BACE2: variants seen among roughly 807,000 people sequenced by gnomAD.
BACE2 encodes 56 kDa aspartic-like protease.
BACE2 carries 17 observed loss-of-function variants against 46.2 expected under a neutral mutation model. The ratio of observed to expected loss-of-function variants is 0.37; its 90% CI spans 0.25 to 0.55. The LOEUF (loss-of-function observed/expected upper bound fraction) is 0.55, where lower values mean the gene tolerates loss of function less well. Ranked by LOEUF, BACE2 falls within the 20% of genes least tolerant of loss-of-function variation. The pLI, the probability that BACE2 is intolerant of heterozygous loss-of-function variation, is 0.82. For missense variants in BACE2, 595 were observed against 698.1 expected (o/e 0.85, Z 1.66); for synonymous variants, 277 against 295.9 (o/e 0.94, Z 0.66).
In BACE2 at chr21:41,276,634, T is replaced by C. The variant is rs2088492755; in HGVS notation, c.*1010T>C. 6.6e-6 allele frequency: 1 copy of C among 152,258 alleles called. No individual in the cohort carries two copies. The allele number at this position is 152,258 out of a possible 1,614,324, so 9.4% of individuals were successfully genotyped here. ...TAGTTGTCTCTTTTTCCAAATCTTC[T>C]CTGGAAGTAGGTTGGCTATTACCCT... On this transcript the variant is annotated 3_prime_UTR_variant, in exon 9 of 9. Coordinates refer to ENST00000330333, the MANE Select transcript of BACE2 (RefSeq NM_012105.5).
In BACE2 at chr21:41,268,624, A is replaced by G. The variant is rs183194805; in HGVS notation, c.1304-6747A>G. Among the ~76,000 whole-genome samples the G allele has an allele frequency of 1.7e-3, 252 of 152,316 alleles. 1 individual carries two copies. Among genetic ancestry groups the G allele is most frequent in the African/African-American group, 5.4e-3 (226 of 41,578 alleles). On this transcript the variant is annotated intron_variant, in intron 8 of 8. Transcript: ENST00000330333. ...TGACTCTTTTAATTATAAAAGTGAT[A>G]CATGTCTACTTGGGAGGCTGAGGTG...
At chr21:41,233,352 A>T (rs1987020566) in intron 2 of BACE2, among the ~76,000 whole-genome samples, 1 of 151,102 alleles carries the variant, frequency 6.6e-6, no homozygotes, top group Admixed American at 6.6e-5. Flanking sequence ...AAACCGAGGC[A>T]TAGAGAAATA....
intron 1 of BACE2, among the ~76,000 whole-genome samples, chr21:41,209,002 C>T (rs1451441557): frequency 2.6e-5 from 4 of 152,180 alleles, no homozygotes; most frequent in Admixed American, 2.6e-4. Flanking sequence ...ACGTTGCCCT[C>T]TTGCAGCCAC....
At chr21:41,213,688 C>T (rs1017726927) in intron 1 of BACE2, among the ~76,000 whole-genome samples, 2 of 151,826 alleles carry the variant, frequency 1.3e-5, no homozygotes, top group Non-Finnish European at 2.9e-5. Context: ...GCAGGAGAGT[C>T]GCTTGAACCC....
In BACE2 at chr21:41,276,683, G is replaced by A. The variant is rs984312334; in HGVS notation, c.*1059G>A. The A allele has an allele frequency of 1.3e-5, 2 of 152,270 alleles. No homozygotes were observed. Among genetic ancestry groups the A allele is most frequent in the African/African-American group, 4.8e-5 (2 of 41,476 alleles). 9.4% of individuals were successfully genotyped at this position (152,270 alleles called of 1,614,324 possible). On this transcript the variant is annotated 3_prime_UTR_variant, in exon 9 of 9. Coordinates refer to ENST00000330333, the MANE Select transcript of BACE2 (RefSeq NM_012105.5). ...CTGTTGGGAAACAGGGAAATGGCCT[G>A]ATGCCCCTATTTCTGACCAGCTGTC...
chr21:41,200,721 A>G (rs1220465483), intron 1 of BACE2, among the ~76,000 whole-genome samples: 1 of 152,200 alleles, frequency 6.6e-6, no homozygotes, highest in South Asian at 2.1e-4. Flanking sequence ...TATATAGGAC[A>G]TGCAGAGAGA....
chr21:41,180,008 ACAG>A, intron 1 of BACE2: 6 of 342,740 alleles, frequency 1.8e-5, no homozygotes, highest in South Asian at 5.0e-5. Context: ...CCGGCTGTGC[ACAG>A]CAGCAGCAGA....
At chr21:41,245,015 A>G (rs1987426081) in intron 5 of BACE2, among the ~76,000 whole-genome samples, 1 of 151,270 alleles carries the variant, frequency 6.6e-6, no homozygotes, top group African/African-American at 2.4e-5. Flanking sequence ...AACAAATCCC[A>G]GGACATCTTA....
intron 3 of BACE2, among the ~76,000 whole-genome samples, chr21:41,239,306 T>A (rs1420006383): frequency 6.6e-6 from 1 of 152,168 alleles, no homozygotes; most frequent in Non-Finnish European, 1.5e-5. Flanking sequence ...AAGATGTGGG[T>A]CACTCAGTGC....
chr21:41,224,952 C>T (rs9978147), intron 1 of BACE2, among the ~76,000 whole-genome samples: 6 of 152,276 alleles, frequency 3.9e-5, no homozygotes, highest in African/African-American at 4.8e-5. Context: ...TGTATCTAGT[C>T]GGCTGGGTGC....
chr21:41,225,062 G>A (rs959267281), intron 1 of BACE2, among the ~76,000 whole-genome samples: 12 of 151,984 alleles, frequency 7.9e-5, no homozygotes, highest in African/African-American at 1.4e-4. Flanking sequence ...GTGAAACCCC[G>A]TCTCTACTAA....
intron 1 of BACE2, among the ~76,000 whole-genome samples, chr21:41,195,749 A>G (rs943119050): frequency 1.3e-5 from 2 of 152,238 alleles, no homozygotes; most frequent in African/African-American, 4.8e-5. Flanking sequence ...AAACTTTGAT[A>G]TGAGATAGGA....
At chr21:41,273,385 C>T (rs971209719) in intron 8 of BACE2, among the ~76,000 whole-genome samples, 6 of 152,138 alleles carry the variant, frequency 3.9e-5, no homozygotes, top group Non-Finnish European at 5.9e-5. Flanking sequence ...TATCGGCAAC[C>T]GTAAAAGACA....
chr21:41,264,123 A>AT (rs543835071), intron 8 of BACE2, among the ~76,000 whole-genome samples: 280 of 152,058 alleles, frequency 1.8e-3, no homozygotes, highest in Non-Finnish European at 2.1e-3. Context: ...TCAATCTACT[A>AT]TTTAACATAT....
chr21:41,223,522 C>T (rs973293552), intron 1 of BACE2, among the ~76,000 whole-genome samples: 5 of 152,162 alleles, frequency 3.3e-5, no homozygotes, highest in African/African-American at 4.8e-5. Context: ...CTTGTGACTC[C>T]GTCACTCCCA....
At chr21:41,264,668 G>T (rs1201375453) in intron 8 of BACE2, among the ~76,000 whole-genome samples, 1 of 151,978 alleles carries the variant, frequency 6.6e-6, no homozygotes, top group Admixed American at 6.6e-5. Context: ...AGACAATACT[G>T]GGGGGTGGTA....
At chr21:41,260,885 G>T (rs1987917718) in intron 8 of BACE2, among the ~76,000 whole-genome samples, 1 of 151,878 alleles carries the variant, frequency 6.6e-6, no homozygotes. Context: ...TTGTTTGTTT[G>T]GTTTATTTTT....
chr21:41,203,868 A>G (rs994973219), intron 1 of BACE2, among the ~76,000 whole-genome samples: 4 of 152,236 alleles, frequency 2.6e-5, no homozygotes, highest in African/African-American at 9.6e-5. Flanking sequence ...CAAACCCCTC[A>G]GCAGGTCAGC....
chr21:41,205,805 C>G (rs1327725184), intron 1 of BACE2, among the ~76,000 whole-genome samples: 1 of 152,186 alleles, frequency 6.6e-6, no homozygotes, highest in East Asian at 1.9e-4. Context: ...GAAGCCTGGT[C>G]TTCCGTCTTA....
Sources: gnomAD v4.1 joint callset for allele counts (sites outside exome capture counted in the v4.1 genomes callset) on GRCh38, gnomAD v4.1.1 for gene constraint, MANE v1.5 for transcripts, NCBI Gene and HGNC (gene_info 2026-07-23, HGNC 2026-07-21) for gene names.